Variants in TANC2 observed in about 807,000 individuals in gnomAD.
TANC2 encodes the protein protein TANC2.
Under a neutral mutation model 210.5 loss-of-function variants are expected in TANC2, and 26 were observed. The observed-to-expected ratio is 0.12, with a 90% CI of 0.09 to 0.17. The LOEUF (loss-of-function observed/expected upper bound fraction) is 0.17. Among genes scored for constraint, TANC2 ranks in the 10% least tolerant of loss-of-function variants. TANC2 has a pLI of 1.00. For synonymous variants in TANC2, 931 were observed against 967.1 expected (o/e 0.96, Z 0.69); for missense variants, 2,129 against 2,608.9 (o/e 0.82, Z 4.01).
chr17:63,089,281 A>C (rs764764920), intron 3 of TANC2: 1 of 152,270 alleles, frequency 6.6e-6, no homozygotes, highest in Admixed American at 6.5e-5. Context: ...CTGCCCAGCT[A>C]GGGGCTACCC....
At chr17:63,391,465 A>T (rs1302972687) in intron 17 of TANC2, 1 of 152,224 alleles carries the variant, frequency 6.6e-6, no homozygotes, top group Non-Finnish European at 1.5e-5. Context: ...CGCACTTTTC[A>T]TCTATAAAAA....
chr17:63,183,565 ACT>A (rs1178767939), intron 5 of TANC2, among the ~76,000 whole-genome samples: 1 of 152,154 alleles, frequency 6.6e-6, no homozygotes, highest in South Asian at 2.1e-4. Flanking sequence ...TATAATGCAC[ACT>A]CATTATTCGA....
intron 19 of TANC2, among the ~76,000 whole-genome samples, chr17:63,399,591 C>G (rs552307465): frequency 6.6e-5 from 10 of 152,284 alleles, no homozygotes; most frequent in African/African-American, 2.4e-4. Context: ...ACATTAGTAA[C>G]CTTGGATGTG....
chr17:63,069,251 A>G (rs375931921), intron 2 of TANC2, among the ~76,000 whole-genome samples: 1 of 152,180 alleles, frequency 6.6e-6, no homozygotes, highest in South Asian at 2.1e-4. Context: ...TTTCTCAGCT[A>G]TTGGCACTGT....
At chr17:63,105,566 T>C (rs546936447) in intron 4 of TANC2, among the ~76,000 whole-genome samples, 4 of 151,770 alleles carry the variant, frequency 2.6e-5, no homozygotes, top group Non-Finnish European at 4.4e-5. Context: ...AATTTTATGA[T>C]GGGAAAAAAA....
intron 11 of TANC2, among the ~76,000 whole-genome samples, chr17:63,337,620 T>G (rs1021275847): frequency 1.9e-4 from 28 of 150,790 alleles, no homozygotes; most frequent in Non-Finnish European, 2.9e-4. Flanking sequence ...CTTTTTTTTT[T>G]TTTTAAATTT....
chr17:63,043,412 C>T (rs560568831), intron 2 of TANC2, among the ~76,000 whole-genome samples: 2 of 152,082 alleles, frequency 1.3e-5, no homozygotes, highest in East Asian at 3.9e-4. Context: ...CATATATAAA[C>T]CCATACATAA....
At chr17:63,353,587 C>T (rs1481565112) in intron 13 of TANC2, among the ~76,000 whole-genome samples, 1 of 151,716 alleles carries the variant, frequency 6.6e-6, no homozygotes, top group East Asian at 1.9e-4. Context: ...ATATTTAGCA[C>T]CATGGGACTA....
chr17:63,349,208 A>G (rs1340228163), intron 12 of TANC2, among the ~76,000 whole-genome samples: 6 of 152,242 alleles, frequency 3.9e-5, no homozygotes, highest in African/African-American at 1.2e-4. Flanking sequence ...AAAAAATAAT[A>G]TATCATCTAC....
intron 17 of TANC2, chr17:63,389,866 T>G (rs2047908632): frequency 3.0e-6 from 1 of 337,934 alleles, no homozygotes; most frequent in Non-Finnish European, 5.7e-6. Flanking sequence ...GAAGGAGAAG[T>G]GAGGAAGCCA....
At chr17:63,006,004 C>A (rs890570308) in intron 1 of TANC2, among the ~76,000 whole-genome samples, 8 of 148,406 alleles carry the variant, frequency 5.4e-5, no homozygotes, top group Admixed American at 4.7e-4. Context: ...TTTTGCTCAA[C>A]ATTTTGTTAA....
chr17:63,056,030 G>C (rs1238304439), intron 2 of TANC2, among the ~76,000 whole-genome samples: 1 of 105,518 alleles, frequency 9.5e-6, no homozygotes, highest in Non-Finnish European at 2.0e-5. Context: ...TATATGCCAG[G>C]GGTGGTGGCT....
intron 1 of TANC2, among the ~76,000 whole-genome samples, chr17:62,974,092 G>A (rs1344805141): frequency 4.6e-5 from 7 of 152,186 alleles, no homozygotes; most frequent in Non-Finnish European, 7.4e-5. Context: ...TTAAGTGTTC[G>A]TTGAATATCA....
At chr17:63,289,364 T>G (rs1173572494) in intron 9 of TANC2, among the ~76,000 whole-genome samples, 1 of 152,178 alleles carries the variant, frequency 6.6e-6, no homozygotes, top group Non-Finnish European at 1.5e-5. Flanking sequence ...TCTGGGTTTT[T>G]TTCAGTCTTC....
At chr17:63,355,269 A>G (rs2046747053) in exon 14 of TANC2, 2 of 1,613,384 alleles carry the variant, frequency 1.2e-6, no homozygotes, top group Non-Finnish European at 8.5e-7. Context: ...GAGAATGGAG[A>G]ACCTCTCCAT....
At chr17:63,144,905 ATAGT>A (rs1195944113) in intron 4 of TANC2, among the ~76,000 whole-genome samples, 1 of 151,862 alleles carries the variant, frequency 6.6e-6, no homozygotes, top group Admixed American at 6.6e-5. Context: ...TTTTCTTTAG[ATAGT>A]TACTTTCTCA....
chr17:63,281,360 G>T (rs1431964293), intron 9 of TANC2, among the ~76,000 whole-genome samples: 1 of 152,124 alleles, frequency 6.6e-6, no homozygotes, highest in Non-Finnish European at 1.5e-5. Context: ...AAAGGGAGCT[G>T]CAGAGGCGGT....
chr17:62,987,087 G>T (rs934113372), intron 1 of TANC2, among the ~76,000 whole-genome samples: 4 of 152,136 alleles, frequency 2.6e-5, no homozygotes, highest in African/African-American at 7.2e-5. Flanking sequence ...GGCCTCTCCC[G>T]CTGGGGGAGT....
intron 1 of TANC2, among the ~76,000 whole-genome samples, chr17:62,974,542 C>T (rs925326021): frequency 2.0e-5 from 3 of 152,102 alleles, no homozygotes; most frequent in African/African-American, 7.2e-5. Context: ...TTAACATATT[C>T]ATTCATTTAA....
Sources: allele counts gnomAD v4.1 joint callset (sites outside exome capture counted in the v4.1 genomes callset), GRCh38; gene constraint gnomAD v4.1.1; transcripts MANE v1.5; gene names NCBI Gene and HGNC (gene_info 2026-07-23, HGNC 2026-07-21).